The following IL17RD variants were observed in gnomAD, a reference collection of about 807,000 sequenced individuals.
The protein encoded by IL17RD is interleukin 17 receptor D, also known as interleukin-17 receptor D.
A neutral mutation model predicts 80.5 loss-of-function variants in IL17RD; 52 were observed. The ratio of observed to expected loss-of-function variants is 0.65; its 90% CI spans 0.52 to 0.81. The LOEUF (loss-of-function observed/expected upper bound fraction) is 0.81, where lower values mean the gene tolerates loss of function less well. IL17RD is among the 40% of genes least tolerant of loss of function. IL17RD has a pLI of 0.00. For missense variants in IL17RD, 1,024 were observed against 955.1 expected (o/e 1.07, Z -0.95); for synonymous variants, 416 against 391.8 (o/e 1.06, Z -0.73).
chr3:57,135,779 A>G (rs1462165848), intron 1 of IL17RD, among the ~76,000 whole-genome samples: 1 of 152,224 alleles, frequency 6.6e-6, no homozygotes, highest in Non-Finnish European at 1.5e-5. Flanking sequence ...ATCAACTGTC[A>G]TCAACCATCA....
Position 57,091,131 on chromosome 3 carries a change from C to T in IL17RD, c.*5262G>A, listed in dbSNP as rs1403803464. ...TGCTGTTACCACACCAGTGGTTAAA[C>T]TGAAGTCTGTACCATTTAATATTGT... On this transcript the variant is annotated 3_prime_UTR_variant, in exon 13 of 13. Coordinates refer to ENST00000296318, the MANE Select transcript of IL17RD (RefSeq NM_017563.5). 6.6e-6 allele frequency: 1 copy of T among 152,568 alleles called. No individual in the cohort carries two copies. Among genetic ancestry groups the T allele is most frequent in the Non-Finnish European group, 1.5e-5 (1 of 68,026 alleles). The allele number at this position is 152,568 out of a possible 1,614,324, so 9.5% of individuals were successfully genotyped here.
chr3:57,156,274 T>A (rs2060266469), intron 1 of IL17RD, among the ~76,000 whole-genome samples: 1 of 151,754 alleles, frequency 6.6e-6, no homozygotes, highest in African/African-American at 2.4e-5. Context: ...ATCCTATTTG[T>A]CTCCCCTACT....
chr3:57,138,467 A>G (rs1212867917), intron 1 of IL17RD, among the ~76,000 whole-genome samples: 1 of 152,156 alleles, frequency 6.6e-6, no homozygotes, highest in African/African-American at 2.4e-5. Flanking sequence ...ATATAACATG[A>G]CAGGGACAGC....
intron 1 of IL17RD, among the ~76,000 whole-genome samples, chr3:57,158,305 T>C (rs1355419402): frequency 6.6e-6 from 1 of 152,224 alleles, no homozygotes; most frequent in Non-Finnish European, 1.5e-5. Context: ...CCAATAATAC[T>C]TGCCATCTAC....
At chr3:57,159,647 C>T (rs1010566847) in intron 1 of IL17RD, among the ~76,000 whole-genome samples, 6 of 152,158 alleles carry the variant, frequency 3.9e-5, no homozygotes, top group East Asian at 1.9e-4. Context: ...GACAGCCCCC[C>T]GGCTGACTGA....
chr3:57,156,111 T>C (rs1250782027), intron 1 of IL17RD, among the ~76,000 whole-genome samples: 1 of 152,142 alleles, frequency 6.6e-6, no homozygotes, highest in Non-Finnish European at 1.5e-5. Context: ...CCCACCCACA[T>C]GGAGCTGACA....
intron 2 of IL17RD, among the ~76,000 whole-genome samples, chr3:57,117,145 G>A (rs1179703932): frequency 1.5e-5 from 2 of 136,470 alleles, no homozygotes; most frequent in South Asian, 2.3e-4. Context: ...ACAGAGTCTC[G>A]CTCTGTCACC....
At chr3:57,125,552 T>A (rs377426692) in intron 1 of IL17RD, among the ~76,000 whole-genome samples, 5 of 152,316 alleles carry the variant, frequency 3.3e-5, no homozygotes, top group African/African-American at 1.2e-4. Flanking sequence ...ACTGCCTCAA[T>A]AAGCAGGTGA....
At chr3:57,164,840 G>T in intron 1 of IL17RD, 1 of 1,055,666 alleles carries the variant, frequency 9.5e-7, no homozygotes, top group Non-Finnish European at 1.2e-6. Flanking sequence ...GAGGTCCCGG[G>T]CCAAGAACAA....
intron 1 of IL17RD, among the ~76,000 whole-genome samples, 191 bp from the exon 2 acceptor site, chr3:57,120,504 T>C (rs1303657000): frequency 6.6e-6 from 1 of 152,204 alleles, no homozygotes; most frequent in East Asian, 1.9e-4. Flanking sequence ...GCCCAGGAGA[T>C]TCCTAACTGC....
chr3:57,129,668 C>T (rs1428737839), intron 1 of IL17RD, among the ~76,000 whole-genome samples: 1 of 152,106 alleles, frequency 6.6e-6, no homozygotes, highest in African/African-American at 2.4e-5. Flanking sequence ...AGGTGGATTT[C>T]GCATATTTGG....
chr3:57,153,206 AAC>A (rs2060241847), intron 1 of IL17RD, among the ~76,000 whole-genome samples: 1 of 152,256 alleles, frequency 6.6e-6, no homozygotes, highest in Non-Finnish European at 1.5e-5. Context: ...TTAAAAAGAC[AAC>A]ACAAGACTAA....
chr3:57,118,908 C>A (rs1237417301), intron 2 of IL17RD, among the ~76,000 whole-genome samples: 2 of 152,120 alleles, frequency 1.3e-5, no homozygotes, highest in Non-Finnish European at 2.9e-5. Context: ...CCACAGCTCA[C>A]AGAACTGATA....
At chr3:57,109,304 C>T (rs957797501) in intron 5 of IL17RD, among the ~76,000 whole-genome samples, 1 of 152,092 alleles carries the variant, frequency 6.6e-6, no homozygotes, top group South Asian at 2.1e-4. Flanking sequence ...CCTGCCACCA[C>T]GCCTGGCTAA....
At chr3:57,121,324 G>C (rs1559474509) in intron 1 of IL17RD, among the ~76,000 whole-genome samples, 3 of 152,104 alleles carry the variant, frequency 2.0e-5, no homozygotes, top group Non-Finnish European at 4.4e-5. Context: ...GGAGCCCAGG[G>C]TTTTCAGCCA....
At chr3:57,165,488 C>T (rs2060343063), upstream of IL17RD, 4 of 280,368 alleles carry the variant, frequency 1.4e-5, no homozygotes, top group African/African-American at 9.1e-5. Flanking sequence ...CAGTTGTGGC[C>T]CTGCCCCCGT....
chr3:57,106,695 C>T (rs771512402), intron 5 of IL17RD, among the ~76,000 whole-genome samples: 22 of 152,176 alleles, frequency 1.4e-4, no homozygotes, highest in Admixed American at 1.0e-3. Flanking sequence ...AACCAGGTAC[C>T]AAAGCCAATA....
intron 1 of IL17RD, among the ~76,000 whole-genome samples, chr3:57,159,735 G>C (rs535967605): frequency 6.6e-6 from 1 of 152,328 alleles, no homozygotes; most frequent in South Asian, 2.1e-4. Context: ...GCCAGAGAGA[G>C]GTCTGCTCTA....
At position 57,155,912 on chromosome 3, in the gene IL17RD, T is replaced by G. The variant is rs572143083; in HGVS notation, c.126+9249A>C. ...TGCCCAGAGGAACTTTTTATTACAG[T>G]TGCTTGACTGACATGTCACCTCCTC... On this transcript the variant is annotated intron_variant, in intron 1 of 12. Transcript: ENST00000296318. 2.6e-4 allele frequency among the ~76,000 whole-genome samples: 40 copies of G among 152,320 alleles called. 1 individual carries two copies. In the South Asian group the frequency reaches 8.3e-3, roughly 32 times the overall value.
Sources: allele counts gnomAD v4.1 joint callset (sites outside exome capture counted in the v4.1 genomes callset), GRCh38; gene constraint gnomAD v4.1.1; transcripts MANE v1.5; gene names NCBI Gene and HGNC (gene_info 2026-07-23, HGNC 2026-07-21).